The following ENDOD1 variants were observed in gnomAD, a reference collection of about 807,000 sequenced individuals.
The protein encoded by ENDOD1 is endonuclease domain containing 1, also known as endonuclease domain-containing 1 protein.
A neutral mutation model predicts 6.5 loss-of-function variants in ENDOD1; 9 were observed. The observed-to-expected ratio is 1.39, with a 90% CI of 0.84 to 2.43. The LOEUF (loss-of-function observed/expected upper bound fraction) is 2.43, where lower values mean the gene tolerates loss of function less well. ENDOD1 is among the 30% of genes most tolerant of loss of function. ENDOD1 has a pLI of 0.00. For synonymous variants in ENDOD1, 255 were observed against 255.2 expected, an observed-to-expected ratio of 1.00 and a Z score of 0.01; for missense variants, 648 against 635.5, an observed-to-expected ratio of 1.02 and a Z score of -0.21.
intron 1 of ENDOD1, among the ~76,000 whole-genome samples, chr11:95,106,102 C>T (rs1859086519): frequency 6.6e-6 from 1 of 152,230 alleles, no homozygotes; most frequent in Non-Finnish European, 1.5e-5. Flanking sequence ...CAACGGGGCT[C>T]AGCTGATGTG....
chr11:95,117,429 A>G (rs1411830740), intron 1 of ENDOD1, among the ~76,000 whole-genome samples: 4 of 152,172 alleles, frequency 2.6e-5, no homozygotes, highest in Non-Finnish European at 2.9e-5. Flanking sequence ...ACTTTGCATT[A>G]TATATCTGGG....
chr11:95,107,662 C>CT (rs146550487), intron 1 of ENDOD1, among the ~76,000 whole-genome samples: 4 of 151,390 alleles, frequency 2.6e-5, no homozygotes, highest in South Asian at 4.2e-4. Flanking sequence ...AGTCCGCACA[C>CT]TTTTTTTTGT....
intron 1 of ENDOD1, among the ~76,000 whole-genome samples, chr11:95,120,423 C>T (rs1392261143): frequency 1.3e-5 from 2 of 152,100 alleles, no homozygotes; most frequent in East Asian, 1.9e-4. Context: ...CAAGACAACA[C>T]GTTTTCTTCT....
intron 1 of ENDOD1, among the ~76,000 whole-genome samples, chr11:95,117,006 CT>C (rs1236903622): frequency 6.6e-6 from 1 of 152,198 alleles, no homozygotes; most frequent in African/African-American, 2.4e-5. Flanking sequence ...TATGATGTTT[CT>C]TTGTCTTTGA....
At chr11:95,113,627 C>T (rs1235199828) in intron 1 of ENDOD1, among the ~76,000 whole-genome samples, 1 of 147,714 alleles carries the variant, frequency 6.8e-6, no homozygotes, top group Non-Finnish European at 1.5e-5. Context: ...TATGTATGTA[C>T]CACATTTTCT....
intron 1 of ENDOD1, among the ~76,000 whole-genome samples, chr11:95,125,011 C>T (rs990127238): frequency 2.0e-5 from 3 of 152,036 alleles, no homozygotes; most frequent in Non-Finnish European, 4.4e-5. Flanking sequence ...TTTATCCTCC[C>T]CTGTTCTCCT....
chr11:95,098,006 A>G (rs1229288574), intron 1 of ENDOD1, among the ~76,000 whole-genome samples: 1 of 151,494 alleles, frequency 6.6e-6, no homozygotes, highest in Non-Finnish European at 1.5e-5. Flanking sequence ...TTTTTTTTGG[A>G]TTTTGGAATT....
At chr11:95,092,460 C>A (rs1555109963) in intron 1 of ENDOD1, among the ~76,000 whole-genome samples, 1 of 151,942 alleles carries the variant, frequency 6.6e-6, no homozygotes, top group African/African-American at 2.4e-5. Flanking sequence ...AGGAAGGGGA[C>A]TGTGGAGATT....
chr11:95,096,939 G>A (rs1858991248), intron 1 of ENDOD1, among the ~76,000 whole-genome samples: 1 of 152,190 alleles, frequency 6.6e-6, no homozygotes, highest in Non-Finnish European at 1.5e-5. Context: ...AAGGCGGTCT[G>A]ATCATTTGAG....
Position 95,131,823 on chromosome 11 carries a change from C to T in ENDOD1, c.*2244C>T, listed in dbSNP as rs1347112950. The T allele has an allele frequency of 6.6e-6, 1 of 152,232 alleles. No individual in the cohort carries two copies. Among genetic ancestry groups the T allele is most frequent in the Non-Finnish European group, 1.5e-5 (1 of 68,042 alleles). 9.4% of individuals were successfully genotyped at this position (152,232 alleles called of 1,614,324 possible). A position where few individuals can be genotyped will look rare whatever the true frequency, so the allele number is the denominator to read the frequency against. ...AGCATCCAAACGGCTTCTTGAGAAC[C>T]ATTGGGGAATGTCTTTCTTTTTCAC... is the stretch of plus-strand genomic sequence containing the variant. On this transcript the variant is annotated 3_prime_UTR_variant, in exon 2 of 2. Coordinates refer to ENST00000278505, the MANE Select transcript of ENDOD1 (RefSeq NM_015036.3).
chr11:95,126,191 G>A (rs1430185318), intron 1 of ENDOD1, among the ~76,000 whole-genome samples: 4 of 152,162 alleles, frequency 2.6e-5, no homozygotes, highest in Non-Finnish European at 5.9e-5. Flanking sequence ...CTCATCCATT[G>A]CCCTCAATAC....
chr11:95,127,981 A>C (rs575211821), intron 1 of ENDOD1, among the ~76,000 whole-genome samples: 1 of 152,232 alleles, frequency 6.6e-6, no homozygotes, highest in South Asian at 2.1e-4. Flanking sequence ...GCTGGTCTTG[A>C]ACTCCTGACC....
At chr11:95,107,894 C>G (rs781840628) in intron 1 of ENDOD1, among the ~76,000 whole-genome samples, 1 of 152,056 alleles carries the variant, frequency 6.6e-6, no homozygotes, top group African/African-American at 2.4e-5. Context: ...ATCTCGATCT[C>G]CTGACCTCGT....
Position 95,130,335 on chromosome 11 carries a change from G to T in ENDOD1, c.*756G>T, listed in dbSNP as rs500849. ...CAAAGTTTTCTTTTCTTTTTTTTTT[G>T]GGCCCCTTGAATGGTATAATACAGT... On this transcript the variant is annotated 3_prime_UTR_variant, in exon 2 of 2. Coordinates refer to ENST00000278505, the MANE Select transcript of ENDOD1 (RefSeq NM_015036.3). The T allele has an allele frequency of 1, 149,692 of 149,990 alleles. 74,697 individuals carry two copies. The highest frequency in any genetic ancestry group is 1 in the East Asian group (5,120 of 5,124). The allele number at this position is 149,990 out of a possible 1,614,324, so 9.3% of individuals were successfully genotyped here.
intron 1 of ENDOD1, among the ~76,000 whole-genome samples, chr11:95,117,211 A>G (rs557515135): frequency 6.6e-6 from 1 of 152,320 alleles, no homozygotes; most frequent in African/African-American, 2.4e-5. Context: ...GGAGTTCCAG[A>G]CCAGCCTGGC....
Position 95,129,396 on chromosome 11 carries a change from C to G in ENDOD1, c.1320C>G (p.Phe440Leu), listed in dbSNP as rs757441083. ...PVRVLVDVAT[F>L]PVYTMGAIPI... ...GTGTCCTTGTGGATGTGGCCACTTT[C>G]CCTGTGTACACCATGGGCGCTATTC... is the stretch of plus-strand genomic sequence containing the variant. The change falls in exon 2 of 2, where the codon TTC (phenylalanine) becomes TTG (leucine). Residue 440 changes from phenylalanine to leucine, a missense_variant. By Grantham distance (22) the Phe-to-Leu change is conservative (BLOSUM62 0). Transcript: ENST00000278505. The G allele has an allele frequency of 1.9e-6, 3 of 1,614,072 alleles. No homozygotes were observed. In the South Asian group the frequency reaches 3.3e-5, roughly 18 times the overall value.
chr11:95,129,045 A>C lies in ENDOD1; in HGVS notation c.969A>C (p.Gly323=). The C allele has an allele frequency of 2.5e-6, 4 of 1,613,876 alleles. No homozygotes were observed. Among genetic ancestry groups the C allele is most frequent in the Non-Finnish European group, 3.4e-6 (4 of 1,180,006 alleles). The change falls in exon 2 of 2, where the codon GGA becomes GGC. Residue 323 remains glycine (G), a synonymous_variant. Transcript: ENST00000278505. ...TGTTGCCTCCAGAGGCATCTGAGGG[A>C]AGTAGTAGCTTTTTGGGAAAACTCA... ...STLLPPEASE[G]SSSFLGKLMG...
intron 1 of ENDOD1, among the ~76,000 whole-genome samples, chr11:95,115,392 T>TGTG (rs59697031): frequency 2.6e-5 from 4 of 151,664 alleles, no homozygotes; most frequent in East Asian, 1.9e-4. Context: ...GTTTTTTTTT[T>TGTG]TGTGTGTGTG....
intron 1 of ENDOD1, among the ~76,000 whole-genome samples, chr11:95,120,273 T>G: frequency 6.6e-6 from 1 of 152,110 alleles, no homozygotes; most frequent in African/African-American, 2.4e-5. Flanking sequence ...TTGTGCTGAA[T>G]CTCACCTGAA....
Sources: allele counts gnomAD v4.1 joint callset (sites outside exome capture counted in the v4.1 genomes callset), GRCh38; gene constraint gnomAD v4.1.1; transcripts MANE v1.5; gene names NCBI Gene and HGNC (gene_info 2026-07-23, HGNC 2026-07-21).